Variants in COL18A1 observed in about 807,000 individuals in gnomAD.
COL18A1 encodes the protein collagen alpha-1(XVIII) chain.
COL18A1 carries 133 observed loss-of-function variants against 168.0 expected under a neutral mutation model. The ratio of observed to expected loss-of-function variants is 0.79; its 90% confidence interval spans 0.69 to 0.91. The LOEUF (loss-of-function observed/expected upper bound fraction) is 0.91. COL18A1 is among the 40% of genes least tolerant of loss of function. The probability of loss-of-function intolerance (pLI) is 0.00; values close to 1 mark genes in which losing one functional copy is unlikely to be tolerated. For missense variants in COL18A1, 2,126 were observed against 1,925.4 expected (o/e 1.10, Z -1.95); for synonymous variants, 949 against 809.0 (o/e 1.17, Z -2.94).
intron 26 of COL18A1, 87 bp downstream of exon 26, chr21:45,493,662 G>C (rs1484610835): frequency 2.0e-6 from 2 of 983,224 alleles, no homozygotes; most frequent in Non-Finnish European, 3.1e-6. Flanking sequence ...TGAGGGTCTG[G>C]CTCCTGATGC....
chr21:45,470,878 G>A (rs1049448029), intron 3 of COL18A1, among the ~76,000 whole-genome samples: 2 of 151,864 alleles, frequency 1.3e-5, no homozygotes, highest in African/African-American at 2.4e-5. Flanking sequence ...TCAGAGAGCT[G>A]GAACAGGAGG....
rs560833185 is a variant in COL18A1, at chr21:45,479,772, C to T, written c.1249-130C>T. The T allele has an allele frequency of 2.7e-4, 369 of 1,343,666 alleles. 1 individual carries two copies. The African/African-American group carries it at 4.1e-3, about 15-fold the overall frequency. 83.2% of individuals were successfully genotyped at this position (1,343,666 alleles called of 1,614,324 possible). A position where few individuals can be genotyped will look rare whatever the true frequency, so the allele number is the denominator to read the frequency against. On this transcript the variant is annotated intron_variant, in intron 9 of 41. Transcript: ENST00000651438. ...CTGGGCCTGGCGCCCTCGTACTTTC[C>T]GGGCCCCAGAGACTCCCCTGAAGGG...
In COL18A1 at chr21:45,496,511, CCCCCCAGGACCTCCAGGG is replaced by C. The variant is rs765313492; in HGVS notation, c.2529_2546del (p.Pro847_Gly852del). 8.9e-5 allele frequency: 130 copies of C among 1,464,834 alleles called. No individual in the cohort carries two copies. Among genetic ancestry groups the C allele is most frequent in the Middle Eastern group, 1.7e-4 (1 of 5,794 alleles). The allele number at this position is 1,464,834 out of a possible 1,614,324, so 90.7% of individuals were successfully genotyped here. ...TGCCCTCCCCACAGGGAATGCCCGG[CCCCCCAGGACCTCCAGGG>C]CCCCCAGGCCCTCCAGGGACTCCTG... On this transcript the variant is annotated inframe_deletion, in exon 30 of 42. Transcript: ENST00000651438.
chr21:45,405,535 G>T, intron 2 of COL18A1, 62 bp downstream of exon 2: 2 of 1,080,744 alleles, frequency 1.9e-6, no homozygotes, highest in South Asian at 2.9e-5. Flanking sequence ...CGCCCTGGCT[G>T]GGGTCCCCGC....
chr21:45,488,444 G>A lies in COL18A1; in HGVS notation c.1923G>A (p.Lys641=). Residue 641 remains lysine (K), a splice_region_variant and synonymous_variant, in exon 18 of 42, where the codon AAG becomes AAA. Coordinates refer to ENST00000651438, the MANE Select transcript of COL18A1 (RefSeq NM_001379500.1). ...GACCTCCCGGCCTGCCGGGACTTAA[G>A]GTCAGTGACGGATATGTCTGGGTTT... ...PQGPPGLPGL[K]GDPGVPGLPG... 6.2e-7 allele frequency: 1 copy of A among 1,613,890 alleles called. No homozygotes were observed. Among genetic ancestry groups the A allele is most frequent in the Non-Finnish European group, 8.5e-7 (1 of 1,179,986 alleles).
In COL18A1 at chr21:45,473,841, G is replaced by A. The variant is rs1172786134; in HGVS notation, c.652-54G>A. ...AATCTGGAGCTCAAGCAGCACCGGG[G>A]TTGCCACTGCCACCTCAGGACCGCT... On this transcript the variant is annotated intron_variant, in intron 3 of 41. Transcript: ENST00000651438. This position sits in a 1 kb window ranked among gnomAD's most constrained non-coding sequence, Gnocchi z 4.0. The A allele has an allele frequency of 2.8e-6, 4 of 1,437,156 alleles. No individual in the cohort carries two copies. In the African/African-American group the frequency reaches 4.2e-5, roughly 15 times the overall value. 89.0% of individuals were successfully genotyped at this position (1,437,156 alleles called of 1,614,324 possible).
At chr21:45,483,549 G>A (rs1443495103) in intron 15 of COL18A1, among the ~76,000 whole-genome samples, 2 of 152,246 alleles carry the variant, frequency 1.3e-5, no homozygotes, top group Admixed American at 6.5e-5. Flanking sequence ...GGGGCTGGGA[G>A]CCGGGTCTGG....
chr21:45,495,873 A>G (rs1033774906), intron 29 of COL18A1: 1 of 316,924 alleles, frequency 3.2e-6, no homozygotes, highest in Non-Finnish European at 6.2e-6. Flanking sequence ...ACGTATCCAC[A>G]TGTGTATCCA....
At chr21:45,436,942 G>C (rs1294760863) in intron 2 of COL18A1, among the ~76,000 whole-genome samples, 2 of 151,916 alleles carry the variant, frequency 1.3e-5, no homozygotes, top group Non-Finnish European at 2.9e-5. Flanking sequence ...CGGGCTGCGC[G>C]GGGCCCTGGC....
rs371849586 is a variant in COL18A1 at position 45,504,028 on chromosome 21, TTTC to T, written c.2705_2707del (p.Leu902del). 8.9e-4 allele frequency: 1,435 copies of T among 1,613,688 alleles called. 8 individuals are homozygous for T. The African/African-American group carries it at 0.016, about 18-fold the overall frequency. On this transcript the variant is annotated inframe_deletion, in exon 33 of 42. Coordinates refer to ENST00000651438, the MANE Select transcript of COL18A1 (RefSeq NM_001379500.1). ...TCTTGCAGGGCAGTTTCCGTTTGAC[TTTC>T]TTCAGTTGGAGGCTGAAATGAAGGT...
Position 45,494,814 on chromosome 21 carries a change from C to A in COL18A1, c.2380-48C>A. The A allele has an allele frequency of 2.6e-6, 4 of 1,558,242 alleles. No homozygotes were observed. In the South Asian group the frequency reaches 4.6e-5, roughly 18 times the overall value. On this transcript the variant is annotated intron_variant, in intron 27 of 41. Coordinates refer to ENST00000651438, the MANE Select transcript of COL18A1 (RefSeq NM_001379500.1). ...TCCCCAGGACCCCCCAACTCGTGGTCAAGGGCCAGGGTCTGCCCCACTAAG... is the reference window on the plus strand; with the variant it reads ...TCCCCAGGACCCCCCAACTCGTGGTAAAGGGCCAGGGTCTGCCCCACTAAG...
At chr21:45,488,352 G>A (rs2036186669) in intron 17 of COL18A1, 66 bp from the exon 18 acceptor site, 1 of 1,610,458 alleles carries the variant, frequency 6.2e-7, no homozygotes, top group Non-Finnish European at 8.5e-7. Flanking sequence ...GGCTTTTCTT[G>A]CGGCAGACGC....
intron 18 of COL18A1, among the ~76,000 whole-genome samples, chr21:45,489,167 T>C (rs1010243179): frequency 6.6e-6 from 1 of 152,218 alleles, no homozygotes; most frequent in Non-Finnish European, 1.5e-5. Flanking sequence ...GGCTGACTTA[T>C]GGGAAGGGCC....
At chr21:45,415,084 T>C (rs2033403262) in intron 2 of COL18A1, among the ~76,000 whole-genome samples, 1 of 152,138 alleles carries the variant, frequency 6.6e-6, no homozygotes, top group African/African-American at 2.4e-5. Context: ...ATGCCTGTGT[T>C]GCTTTAAGAC....
At chr21:45,410,498 G>C (rs2033258255) in intron 2 of COL18A1, among the ~76,000 whole-genome samples, 1 of 152,236 alleles carries the variant, frequency 6.6e-6, no homozygotes, top group East Asian at 1.9e-4. Flanking sequence ...AGTGGGAACG[G>C]CAGGAGGAGG....
chr21:45,455,511 G>A, intron 2 of COL18A1: 2 of 1,611,212 alleles, frequency 1.2e-6, no homozygotes, highest in Non-Finnish European at 1.7e-6. Context: ...GCCGCCCGCA[G>A]CTCCAGCCGC....
chr21:45,480,440 AC>A, intron 11 of COL18A1, 26 bp from the exon 12 acceptor site: 1 of 1,614,070 alleles, frequency 6.2e-7, no homozygotes, highest in Non-Finnish European at 8.5e-7. Flanking sequence ...GCTCAGGGCA[AC>A]GTGTCTCTCC....
chr21:45,440,092 C>T (rs1465422323), intron 2 of COL18A1, among the ~76,000 whole-genome samples: 1 of 152,230 alleles, frequency 6.6e-6, no homozygotes, highest in African/African-American at 2.4e-5. Flanking sequence ...ATGGGGCAAA[C>T]GTCTCCGGCC....
At chr21:45,415,624 C>T (rs1037710910) in intron 2 of COL18A1, among the ~76,000 whole-genome samples, 17 of 152,128 alleles carry the variant, frequency 1.1e-4, no homozygotes, top group African/African-American at 3.1e-4. Flanking sequence ...GGGCAGGCCC[C>T]GGACGGGAAA....
Sources: allele counts gnomAD v4.1 joint callset (sites outside exome capture counted in the v4.1 genomes callset), GRCh38; gene constraint gnomAD v4.1.1; non-coding constraint Gnocchi (gnomAD v3.1); transcripts MANE v1.5; gene names NCBI Gene and HGNC (gene_info 2026-07-23, HGNC 2026-07-21).